TMC7: variants seen among roughly 807,000 people sequenced by gnomAD.
The protein encoded by TMC7 is transmembrane channel like 7, also known as transmembrane channel-like protein 7.
A neutral mutation model predicts 82.9 loss-of-function variants in TMC7; 54 were observed. The ratio of observed to expected loss-of-function variants is 0.65; its 90% CI spans 0.52 to 0.82. The LOEUF is 0.82. Ranked by LOEUF, TMC7 falls within the 40% of genes least tolerant of loss-of-function variation. The pLI is 0.00. For missense variants in TMC7, 820 were observed against 901.2 expected, an observed-to-expected ratio of 0.91 and a Z score of 1.15; for synonymous variants, 350 against 337.9, an observed-to-expected ratio of 1.04 and a Z score of -0.39.
chr16:18,996,954 T>C (rs1308786131), intron 1 of TMC7, among the ~76,000 whole-genome samples: 1 of 152,178 alleles, frequency 6.6e-6, no homozygotes, highest in African/African-American at 2.4e-5. Context: ...ATAAAATGTG[T>C]CTCTTTTGTC....
At chr16:19,005,363 C>T (rs887805546) in intron 1 of TMC7, among the ~76,000 whole-genome samples, 1 of 152,222 alleles carries the variant, frequency 6.6e-6, no homozygotes, top group Non-Finnish European at 1.5e-5. Flanking sequence ...GCTGGGATTA[C>T]AGGCGTGAGC....
At chr16:19,050,382 AAAAAAAAAAACC>A (rs1961479642) in intron 12 of TMC7, among the ~76,000 whole-genome samples, 1 of 151,490 alleles carries the variant, frequency 6.6e-6, no homozygotes, top group Admixed American at 6.6e-5. Flanking sequence ...AAAAAAAAAA[AAAAAAAAAAACC>A]AAAAAAAACA....
chr16:19,047,801 C>A (rs186129708), intron 12 of TMC7, among the ~76,000 whole-genome samples: 1 of 151,354 alleles, frequency 6.6e-6, no homozygotes, highest in East Asian at 1.9e-4. Context: ...CAACCTCTGC[C>A]CCCCCAGGTT....
chr16:18,986,788 G>T (rs566498088), intron 1 of TMC7, among the ~76,000 whole-genome samples: 1 of 151,254 alleles, frequency 6.6e-6, no homozygotes, highest in East Asian at 1.9e-4. Context: ...TGTTCTCTTC[G>T]CCTGGACTCC....
At chr16:18,989,648 G>C (rs1242076797) in intron 1 of TMC7, among the ~76,000 whole-genome samples, 2 of 134,130 alleles carry the variant, frequency 1.5e-5, no homozygotes, top group African/African-American at 5.3e-5. Context: ...GGCAGGTAGG[G>C]TCTCTGCTTT....
chr16:19,030,098 C>G, intron 5 of TMC7, 126 bp from the exon 6 acceptor site: 2 of 940,888 alleles, frequency 2.1e-6, no homozygotes, highest in Non-Finnish European at 3.2e-6. Flanking sequence ...TGGGGCTGTT[C>G]CAGTCTCTGG....
chr16:19,035,027 G>T (rs971584615), intron 6 of TMC7, among the ~76,000 whole-genome samples: 1 of 152,102 alleles, frequency 6.6e-6, no homozygotes, highest in Admixed American at 6.6e-5. Context: ...ATCAACCTAG[G>T]TGCCCATCAA....
intron 6 of TMC7, among the ~76,000 whole-genome samples, chr16:19,035,446 G>C (rs1011853755): frequency 1.3e-5 from 2 of 152,098 alleles, no homozygotes; most frequent in African/African-American, 2.4e-5. Context: ...AAGAAAATTT[G>C]GATTTTATTC....
chr16:19,026,178 G>GT (rs942375488), intron 5 of TMC7, among the ~76,000 whole-genome samples: 1 of 115,430 alleles, frequency 8.7e-6, no homozygotes. Flanking sequence ...TGCAAAAAAA[G>GT]TTAAAAAAAA....
intron 1 of TMC7, among the ~76,000 whole-genome samples, chr16:18,994,506 T>C (rs572082707): frequency 3.7e-4 from 56 of 149,910 alleles, no homozygotes; most frequent in Non-Finnish European, 6.9e-4. Context: ...CTGTGTGTAA[T>C]GAAAAGGGTG....
intron 13 of TMC7, 37 bp from the exon 14 acceptor site, chr16:19,056,505 A>G: frequency 6.2e-7 from 1 of 1,602,776 alleles, no homozygotes; most frequent in South Asian, 1.1e-5. Context: ...CCTGTGCTGC[A>G]CGCTCCTTCT....
intron 2 of TMC7, among the ~76,000 whole-genome samples, chr16:19,013,938 C>G (rs867258106): frequency 3.4e-5 from 5 of 148,486 alleles, no homozygotes; most frequent in Non-Finnish European, 5.9e-5. Context: ...ACTGCAAGCT[C>G]TGCCTCCCAG....
chr16:19,047,694 C>T (rs1339925451), intron 12 of TMC7, among the ~76,000 whole-genome samples: 1 of 134,554 alleles, frequency 7.4e-6, no homozygotes, highest in African/African-American at 2.7e-5. Flanking sequence ...CGTGCCCGGC[C>T]GAAAAAGACT....
chr16:19,009,342 A>G lies in TMC7; in HGVS notation c.238A>G (p.Arg80Gly), dbSNP rs1258337489. 1.2e-6 allele frequency: 2 copies of G among 1,614,210 alleles called. No homozygotes were observed. Among genetic ancestry groups the G allele is most frequent in the African/African-American group, 1.3e-5 (1 of 75,046 alleles). ...TDSYSSQLED[R>G]IAENLSSHSL... ...CTCTTACAGCTCCCAGCTGGAGGAC[A>G]GAATCGCTGAAAACCTCAGCAGCCA... Residue 80 changes from arginine to glycine, a missense_variant, in exon 2 of 16, where the codon AGA becomes GGA. This residue lies in a region of TMC7 where 650 missense variants were observed against 669.9 expected (regional missense o/e 0.97). Coordinates refer to ENST00000304381, the MANE Select transcript of TMC7 (RefSeq NM_024847.4).
chr16:19,055,573 G>A (rs1961733319), intron 13 of TMC7, among the ~76,000 whole-genome samples: 1 of 152,002 alleles, frequency 6.6e-6, no homozygotes, highest in Non-Finnish European at 1.5e-5. Flanking sequence ...GGCCAGGTTG[G>A]CCTCCATCTC....
At chr16:18,994,524 G>T (rs1300724027) in intron 1 of TMC7, among the ~76,000 whole-genome samples, 3 of 152,000 alleles carry the variant, frequency 2.0e-5, no homozygotes, top group Admixed American at 2.0e-4. Context: ...GTGGGGATGA[G>T]TTAGGGAGAG....
rs1183156633 is a variant in TMC7 at position 19,037,947 on chromosome 16, CTT to C, written c.1081_1082del (p.Leu361GlufsTer71). 8.1e-6 allele frequency: 13 copies of C among 1,613,976 alleles called. No homozygotes were observed. The highest frequency in any genetic ancestry group is 4.5e-5 in the East Asian group (2 of 44,884). ...TCAGAAGAAACAATACGCATTTACT[CTT>C]TGAGACTGTTTTTGAACTGTATTGT... On this transcript the variant is annotated frameshift_variant, in exon 8 of 16. Transcript: ENST00000304381. LOFTEE classifies it high-confidence loss of function.
rs923344060 is a variant in TMC7, at chr16:18,983,995, G to A, written c.-69G>A. On this transcript the variant is annotated 5_prime_UTR_variant, in exon 1 of 16. Transcript: ENST00000304381. ...ATCCCGGCTCCGCGAGGGAAGGCCG[G>A]GGAGGCGGCGGCGGCGGCGGCGGCT... 6 of 1,348,938 alleles carry A rather than the reference G, an allele frequency of 4.4e-6. No homozygotes were observed. The highest frequency in any genetic ancestry group is 3.8e-6 in the Non-Finnish European group (4 of 1,055,856). The allele number at this position is 1,348,938 out of a possible 1,614,324, so 83.6% of individuals were successfully genotyped here. A position where few individuals can be genotyped will look rare whatever the true frequency, so the allele number is the denominator to read the frequency against.
At chr16:19,042,106 G>A (rs1961039303) in intron 9 of TMC7, among the ~76,000 whole-genome samples, 1 of 152,170 alleles carries the variant, frequency 6.6e-6, no homozygotes, top group Non-Finnish European at 1.5e-5. Flanking sequence ...TCCCAGCAGA[G>A]GCACAGAAGG....
Sources: allele counts gnomAD v4.1 joint callset (sites outside exome capture counted in the v4.1 genomes callset), GRCh38; gene constraint gnomAD v4.1.1; regional missense constraint gnomAD v4.1.1; transcripts MANE v1.5; gene names NCBI Gene and HGNC (gene_info 2026-07-23, HGNC 2026-07-21).